Variants in SGMS1 observed in about 807,000 individuals in gnomAD.
SGMS1 encodes sphingomyelin synthase 1, also known as phosphatidylcholine:ceramide cholinephosphotransferase 1.
Under a neutral mutation model 46.2 loss-of-function variants are expected in SGMS1, and 13 were observed. The observed-to-expected ratio is 0.28, with a 90% CI of 0.18 to 0.45. The LOEUF is 0.45. Among genes scored for constraint, SGMS1 ranks in the 20% least tolerant of loss-of-function variants. The pLI, the probability that SGMS1 is intolerant of heterozygous loss-of-function variation, is 1.00. For synonymous variants in SGMS1, 203 were observed against 187.8 expected (o/e 1.08, Z -0.66); for missense variants, 324 against 519.9 (o/e 0.62, Z 3.66).
chr10:50,372,820 G>A (rs1848462000), intron 6 of SGMS1, among the ~76,000 whole-genome samples: 1 of 152,056 alleles, frequency 6.6e-6, no homozygotes, highest in South Asian at 2.1e-4. Flanking sequence ...TACTGGCCTT[G>A]GTAAAAAATT....
rs138210433 is a variant in SGMS1 at position 50,467,267 on chromosome 10, C to T, written c.-497-335G>A. Among the ~76,000 whole-genome samples the T allele has an allele frequency of 6.7e-4, 102 of 152,040 alleles. 1 individual carries two copies. Among genetic ancestry groups the T allele is most frequent in the African/African-American group, 2.4e-3 (100 of 41,474 alleles). On this transcript the variant is annotated intron_variant, in intron 3 of 10. Transcript: ENST00000361781. ...ATTTAGGTAAATAACTGCTAACTGA[C>T]AATATAAAAAAGATAAAGAAGCAAG...
chr10:50,562,328 C>T (rs111656317), intron 2 of SGMS1, among the ~76,000 whole-genome samples: 1 of 140,442 alleles, frequency 7.1e-6, no homozygotes, highest in Non-Finnish European at 1.6e-5. Flanking sequence ...TTCTGACAAA[C>T]ACTCTCTGAG....
chr10:50,454,789 T>C (rs909069908), intron 5 of SGMS1, among the ~76,000 whole-genome samples: 1 of 152,254 alleles, frequency 6.6e-6, no homozygotes, highest in African/African-American at 2.4e-5. Flanking sequence ...ATGGAGGAAA[T>C]CCTACCTTTT....
chr10:50,319,048 A>G (rs1024877913), intron 8 of SGMS1, among the ~76,000 whole-genome samples: 1 of 152,086 alleles, frequency 6.6e-6, no homozygotes, highest in Non-Finnish European at 1.5e-5. Flanking sequence ...TATTTGTCAC[A>G]TTAAAGAAAT....
intron 6 of SGMS1, among the ~76,000 whole-genome samples, chr10:50,408,371 G>A (rs1325479100): frequency 2.1e-5 from 3 of 145,144 alleles, no homozygotes; most frequent in East Asian, 2.0e-4. Context: ...GGGAGGCAAA[G>A]GTAGAAGGAA....
At chr10:50,319,032 T>C (rs1847396269) in intron 8 of SGMS1, among the ~76,000 whole-genome samples, 1 of 152,196 alleles carries the variant, frequency 6.6e-6, no homozygotes, top group African/African-American at 2.4e-5. Flanking sequence ...CTATTACCCA[T>C]ATTCTTATTT....
chr10:50,468,881 G>A (rs1837354629), intron 3 of SGMS1, among the ~76,000 whole-genome samples: 1 of 152,180 alleles, frequency 6.6e-6, no homozygotes, highest in Admixed American at 6.5e-5. Context: ...CCTCACTGGT[G>A]AACACAAAGT....
intron 6 of SGMS1, among the ~76,000 whole-genome samples, chr10:50,376,177 AG>A (rs981547419): frequency 6.6e-6 from 1 of 152,110 alleles, no homozygotes; most frequent in Non-Finnish European, 1.5e-5. Context: ...ATGTCTTCAG[AG>A]GGGGGTATGT....
chr10:50,354,918 A>C (rs9416516), intron 6 of SGMS1, among the ~76,000 whole-genome samples: 21,233 of 151,748 alleles, frequency 0.14, 1,698 homozygotes, highest in African/African-American at 0.2. Flanking sequence ...GTTAGAATGG[A>C]GATCATTAAA....
chr10:50,546,525 T>A (rs1437120356), intron 2 of SGMS1, among the ~76,000 whole-genome samples: 8 of 152,198 alleles, frequency 5.3e-5, no homozygotes, highest in Non-Finnish European at 1.2e-4. Flanking sequence ...ATATACACCA[T>A]GGAATACTAT....
intron 7 of SGMS1, among the ~76,000 whole-genome samples, chr10:50,338,940 A>G (rs990063394): frequency 6.6e-6 from 1 of 151,890 alleles, no homozygotes; most frequent in East Asian, 1.9e-4. Flanking sequence ...GGTTTCTCCA[A>G]GTTGTGAGGC....
intron 3 of SGMS1, among the ~76,000 whole-genome samples, chr10:50,479,599 A>G (rs912657771): frequency 6.6e-6 from 1 of 152,178 alleles, no homozygotes; most frequent in Non-Finnish European, 1.5e-5. Flanking sequence ...CCATGTTTGC[A>G]AAAGTAATAG....
intron 5 of SGMS1, among the ~76,000 whole-genome samples, chr10:50,458,418 C>T (rs2133680204): frequency 7.4e-6 from 1 of 134,246 alleles, no homozygotes; most frequent in African/African-American, 2.8e-5. Flanking sequence ...TGCAGTGGCA[C>T]AATCTCGGCT....
intron 5 of SGMS1, among the ~76,000 whole-genome samples, chr10:50,448,755 A>AT (rs1273656041): frequency 3.7e-4 from 51 of 137,770 alleles, no homozygotes; most frequent in African/African-American, 5.4e-4. Flanking sequence ...AAAAAAAAAA[A>AT]AAAAAAGAAT....
chr10:50,613,447 A>T (rs894212341), intron 1 of SGMS1, among the ~76,000 whole-genome samples: 9 of 152,198 alleles, frequency 5.9e-5, no homozygotes, highest in African/African-American at 2.2e-4. Context: ...GATTTTCAAC[A>T]CATATTTACT....
chr10:50,588,043 C>A (rs1211060021), intron 2 of SGMS1, among the ~76,000 whole-genome samples: 1 of 152,074 alleles, frequency 6.6e-6, no homozygotes, highest in Non-Finnish European at 1.5e-5. Context: ...TCCTTCAAAA[C>A]CCCCTTTGCC....
chr10:50,570,079 AG>A (rs1838324077), intron 2 of SGMS1, among the ~76,000 whole-genome samples: 2 of 152,336 alleles, frequency 1.3e-5, no homozygotes, highest in South Asian at 4.1e-4. Flanking sequence ...TCCAAGGAAA[AG>A]ATGTCATGAA....
intron 2 of SGMS1, among the ~76,000 whole-genome samples, chr10:50,574,982 T>TATATATATAA (rs1478350910): frequency 6.9e-6 from 1 of 145,110 alleles, no homozygotes; most frequent in Non-Finnish European, 1.5e-5. Context: ...TATATATATA[T>TATATATATAA]ATAAAACAAA....
At chr10:50,310,621 C>T (rs11597397) in intron 9 of SGMS1, among the ~76,000 whole-genome samples, 65,662 of 151,962 alleles carry the variant, frequency 0.43, 15,695 homozygotes, top group Middle Eastern at 0.59. Context: ...CATATATTAA[C>T]ATTTCATTTC....
Sources: gnomAD v4.1 joint callset for allele counts (sites outside exome capture counted in the v4.1 genomes callset) on GRCh38, gnomAD v4.1.1 for gene constraint, MANE v1.5 for transcripts, NCBI Gene and HGNC (gene_info 2026-07-23, HGNC 2026-07-21) for gene names.